The following FRMPD4 variants were observed in gnomAD, a reference collection of about 807,000 sequenced individuals.
FRMPD4 encodes FERM and PDZ domain-containing protein 4.
In FRMPD4, 22 loss-of-function variants were observed where a neutral mutation model predicts 94.1. The observed-to-expected ratio is 0.23, with a 90% CI of 0.17 to 0.33. The LOEUF is 0.33. Ranked by LOEUF, FRMPD4 falls within the 10% of genes least tolerant of loss-of-function variation. The probability of loss-of-function intolerance (pLI) is 1.00; values close to 1 mark genes in which losing one functional copy is unlikely to be tolerated. For synonymous variants in FRMPD4, 631 were observed against 548.6 expected (o/e 1.15, Z -2.10); for missense variants, 1,111 against 1,339.9 (o/e 0.83, Z 2.67).
At chrX:12,336,365 C>T (rs1026752419) in intron 1 of FRMPD4, among the ~76,000 whole-genome samples, 1 of 112,065 alleles carries the variant, frequency 8.9e-6, no homozygotes, top group African/African-American at 3.2e-5. Context: ...TGCCAAACCT[C>T]ATCTTGGTAG....
chrX:12,138,842 G>GCCA lies in FRMPD4; in HGVS notation c.-127_-125dup. The GCCA allele has an allele frequency of 2.0e-6, 1 of 500,673 alleles. No individual in the cohort carries two copies. Among genetic ancestry groups the GCCA allele is most frequent in the South Asian group, 5.6e-5 (1 of 17,770 alleles). The allele number at this position is 500,673 out of a possible 1,213,427, so 41.3% of individuals were successfully genotyped here. On this transcript the variant is annotated 5_prime_UTR_variant, in exon 1 of 17. Coordinates refer to ENST00000675598, the MANE Select transcript of FRMPD4 (RefSeq NM_001368397.1). The stretch of plus-strand genomic sequence containing the variant: ...GTGCAGGTTCTCTCCGGCCGCCGCC[G>GCCA]CCACCCGCTGTCGCCGCGACTCGAG...
intron 1 of FRMPD4, among the ~76,000 whole-genome samples, chrX:12,314,230 G>A (rs1054623651): frequency 8.9e-6 from 1 of 112,410 alleles, no homozygotes; most frequent in Non-Finnish European, 1.9e-5. Flanking sequence ...TGAAGAGAGA[G>A]GAAACAACTG....
chrX:12,130,102 AAGAGAGAG>A (rs10533802), intron 3 of FRMPD4, among the ~76,000 whole-genome samples: 48 of 92,681 alleles, frequency 5.2e-4, no homozygotes, highest in East Asian at 1.2e-3. Context: ...GAGCCAGCGG[AAGAGAGAG>A]AGAGAGAGAG....
At chrX:12,358,606 C>G (rs1309794297) in intron 1 of FRMPD4, among the ~76,000 whole-genome samples, 1 of 111,667 alleles carries the variant, frequency 9.0e-6, no homozygotes, top group East Asian at 2.8e-4. Context: ...GTTTTTTACC[C>G]TTCCGTTTTA....
At chrX:12,378,412 G>A (rs765945410) in intron 1 of FRMPD4, among the ~76,000 whole-genome samples, 6 of 112,550 alleles carry the variant, frequency 5.3e-5, no homozygotes, top group Middle Eastern at 4.6e-3. Flanking sequence ...CTAGTCATGT[G>A]CTGTGAGGAA....
chrX:12,439,328 T>C, intron 1 of FRMPD4, among the ~76,000 whole-genome samples: 1 of 111,746 alleles, frequency 8.9e-6, no homozygotes, highest in Non-Finnish European at 1.9e-5. Context: ...TAGGGGTCTC[T>C]TGTCTTCTGC....
chrX:12,518,236 C>T (rs1416115339), intron 2 of FRMPD4, among the ~76,000 whole-genome samples: 1 of 111,794 alleles, frequency 8.9e-6, no homozygotes, highest in Non-Finnish European at 1.9e-5. Flanking sequence ...TAGTCTTAGG[C>T]AGTCTCCAGC....
At position 12,191,969 on chromosome X, in the gene FRMPD4, TTGTA is replaced by T. The variant is rs1261482628; in HGVS notation, c.41+52958_41+52961del. ...GATAGTTGGGGAGTCTGTGTATACA[TTGTA>T]GCAGGGAATATATGGGAAATCTCTA... is the stretch of plus-strand genomic sequence containing the variant. On this transcript the variant is annotated intron_variant, in intron 1 of 16. Coordinates refer to ENST00000675598, the MANE Select transcript of FRMPD4 (RefSeq NM_001368397.1). 5.2e-4 allele frequency among the ~76,000 whole-genome samples: 58 copies of T among 111,881 alleles called. 1 individual carries two copies. In the South Asian group the frequency reaches 0.021, roughly 41 times the overall value.
At chrX:11,848,022 T>C (rs973917118) in intron 1 of FRMPD4, among the ~76,000 whole-genome samples, 17 of 105,502 alleles carry the variant, frequency 1.6e-4, no homozygotes, top group Non-Finnish European at 3.3e-4. Context: ...CCCTAAAACT[T>C]AAAGTATAAT....
chrX:12,080,756 T>G (rs1038261935), intron 3 of FRMPD4, among the ~76,000 whole-genome samples: 4 of 112,373 alleles, frequency 3.6e-5, no homozygotes, highest in African/African-American at 1.3e-4. Context: ...TTTATGAGCA[T>G]GTCTCTTTCA....
chrX:12,281,233 C>T (rs1474391209), intron 1 of FRMPD4, among the ~76,000 whole-genome samples: 1 of 111,700 alleles, frequency 9.0e-6, no homozygotes, highest in African/African-American at 3.3e-5. Context: ...GGGTGAAATA[C>T]CACCTTCTTT....
intron 4 of FRMPD4, among the ~76,000 whole-genome samples, chrX:12,654,583 A>T (rs1411507560): frequency 8.9e-6 from 1 of 112,199 alleles, no homozygotes; most frequent in Non-Finnish European, 1.9e-5. Flanking sequence ...TGAATCTGAC[A>T]CATAATAGAG....
At chrX:12,398,836 C>T (rs1037253824) in intron 1 of FRMPD4, among the ~76,000 whole-genome samples, 3 of 111,903 alleles carry the variant, frequency 2.7e-5, no homozygotes. Context: ...ATAATTGTTT[C>T]ATATGGGATG....
chrX:12,674,821 C>T (rs183555567), intron 4 of FRMPD4, 42 bp from the exon 5 acceptor site: 1 of 839,888 alleles, frequency 1.2e-6, no homozygotes, highest in African/African-American at 2.0e-5. Flanking sequence ...AGAGTCCGGG[C>T]TCAGTGCATA....
At chrX:12,651,408 T>C (rs1319627259) in intron 4 of FRMPD4, among the ~76,000 whole-genome samples, 2 of 108,025 alleles carry the variant, frequency 1.9e-5, no homozygotes, top group Non-Finnish European at 3.8e-5. Context: ...ACATAATACC[T>C]TCCTTCCAAG....
chrX:12,396,458 A>T (rs1472812648), intron 1 of FRMPD4, among the ~76,000 whole-genome samples: 2 of 112,337 alleles, frequency 1.8e-5, no homozygotes, highest in Non-Finnish European at 3.8e-5. Flanking sequence ...AATGATTGTT[A>T]TCCCACTAAT....
intron 1 of FRMPD4, among the ~76,000 whole-genome samples, chrX:12,454,571 T>C (rs2057311249): frequency 9.2e-6 from 1 of 108,264 alleles, no homozygotes. Flanking sequence ...GTTTTGATGA[T>C]CAAGACCAGA....
chrX:12,510,156 T>C (rs2058028513), intron 2 of FRMPD4, among the ~76,000 whole-genome samples: 1 of 112,089 alleles, frequency 8.9e-6, no homozygotes, highest in Non-Finnish European at 1.9e-5. Flanking sequence ...AATTTGTTGG[T>C]TTATGTACCT....
At chrX:12,675,021 T>C in intron 5 of FRMPD4, 113 bp downstream of exon 5, 1 of 570,441 alleles carries the variant, frequency 1.8e-6, no homozygotes, top group Admixed American at 2.5e-5. Context: ...TAACATGCAC[T>C]CACAATATGG....
Sources: allele counts gnomAD v4.1 joint callset (sites outside exome capture counted in the v4.1 genomes callset), GRCh38; gene constraint gnomAD v4.1.1; transcripts MANE v1.5; gene names NCBI Gene and HGNC (gene_info 2026-07-23, HGNC 2026-07-21).